The following PALLD variants were observed in gnomAD, a reference collection of about 807,000 sequenced individuals.
PALLD encodes palladin.
Under a neutral mutation model 123.5 loss-of-function variants are expected in PALLD, and 61 were observed. The observed-to-expected ratio is 0.49, with a 90% CI of 0.40 to 0.61. The LOEUF (loss-of-function observed/expected upper bound fraction) is 0.61. PALLD is among the 20% of genes least tolerant of loss of function. The pLI, the probability that PALLD is intolerant of heterozygous loss-of-function variation, is 0.00. For missense variants in PALLD, 1,273 were observed against 1,377.0 expected (o/e 0.92, Z 1.20); for synonymous variants, 465 against 496.4 (o/e 0.94, Z 0.84).
chr4:168,759,225 A>ATC (rs1732464985), intron 10 of PALLD, among the ~76,000 whole-genome samples: 1 of 55,682 alleles, frequency 1.8e-5, no homozygotes, highest in Non-Finnish European at 3.9e-5. Flanking sequence ...ATATATATAT[A>ATC]TATATATATA....
chr4:168,670,719 G>A lies in PALLD; in HGVS notation c.1087+2351G>A, dbSNP rs1280288700. ...CTGCAGTCCGCAGTCTGGCCTGGGC[G>A]ACAGAGCGAGACTCCGTCTCAAAAA... is the stretch of plus-strand genomic sequence containing the variant. On this transcript the variant is annotated intron_variant, in intron 3 of 21. Transcript: ENST00000505667. Among the ~76,000 whole-genome samples the A allele has an allele frequency of 3.9e-5, 5 of 129,792 alleles. No individual in the cohort carries two copies. In the East Asian group the frequency reaches 1.1e-3, roughly 29 times the overall value. The allele number at this position is 129,792 out of a possible 152,430, so 85.1% of individuals were successfully genotyped here. A position where few individuals can be genotyped will look rare whatever the true frequency, so the allele number is the denominator to read the frequency against.
intron 10 of PALLD, among the ~76,000 whole-genome samples, chr4:168,872,011 T>TA (rs1751147946): frequency 6.6e-6 from 1 of 152,176 alleles, no homozygotes; most frequent in Non-Finnish European, 1.5e-5. Flanking sequence ...GGAGTCAACT[T>TA]ATGAGAAACA....
intron 10 of PALLD, among the ~76,000 whole-genome samples, chr4:168,836,740 C>T (rs577738660): frequency 1.1e-4 from 17 of 152,294 alleles, no homozygotes; most frequent in East Asian, 3.9e-4. Context: ...GCGAAGTAGG[C>T]GGCCCTCAGC....
rs373748143 is a variant in PALLD, at chr4:168,833,886, T to C, written c.1965-57036T>C. On this transcript the variant is annotated intron_variant, in intron 10 of 21. Coordinates refer to ENST00000505667, the MANE Select transcript of PALLD (RefSeq NM_001166108.2). ...ATAGTTTGAAGCTAATGTACCCCTA[T>C]GCCTTTGTGTGAGTGTAAGATTTAT... 2.6e-4 allele frequency among the ~76,000 whole-genome samples: 39 copies of C among 150,442 alleles called. No homozygotes were observed. In the East Asian group the frequency reaches 4.3e-3, roughly 16 times the overall value.
intron 4 of PALLD, 37 bp from the exon 5 acceptor site, chr4:168,682,961 A>C (rs140469649): frequency 3.0e-5 from 38 of 1,279,432 alleles, no homozygotes; most frequent in Non-Finnish European, 3.9e-5. Flanking sequence ...GAAAACAAAA[A>C]ATATTCTGAC....
chr4:168,600,980 GA>G (rs1457336618), intron 2 of PALLD, among the ~76,000 whole-genome samples: 1 of 152,112 alleles, frequency 6.6e-6, no homozygotes, highest in Non-Finnish European at 1.5e-5. Flanking sequence ...GCTTGCCAGT[GA>G]GCTGTCTTTA....
At chr4:168,681,530 T>G in intron 4 of PALLD, 132 bp downstream of exon 4, 1 of 607,226 alleles carries the variant, frequency 1.6e-6, no homozygotes, top group African/African-American at 2.0e-5. Flanking sequence ...AATACTGAGG[T>G]TGGAACACAA....
intron 2 of PALLD, among the ~76,000 whole-genome samples, chr4:168,642,563 A>G (rs1386831412): frequency 6.6e-6 from 1 of 151,876 alleles, no homozygotes; most frequent in Non-Finnish European, 1.5e-5. Flanking sequence ...CACCACGCCC[A>G]GCTAATTTTT....
chr4:168,615,222 A>C (rs1774110627), intron 2 of PALLD, among the ~76,000 whole-genome samples: 4 of 152,216 alleles, frequency 2.6e-5, no homozygotes, highest in African/African-American at 7.2e-5. Flanking sequence ...GGTACTAAGA[A>C]TAGAAATCAC....
chr4:168,826,398 T>C (rs1743424899), intron 10 of PALLD, among the ~76,000 whole-genome samples: 1 of 152,210 alleles, frequency 6.6e-6, no homozygotes, highest in African/African-American at 2.4e-5. Context: ...TATATATTCC[T>C]TGGAGCTTGG....
intron 10 of PALLD, among the ~76,000 whole-genome samples, chr4:168,838,092 A>T (rs898790829): frequency 1.3e-5 from 2 of 152,176 alleles, no homozygotes; most frequent in Non-Finnish European, 2.9e-5. Flanking sequence ...AACCCATTTT[A>T]TGTCGTAACA....
rs374187214 is a variant in PALLD at position 168,911,144 on chromosome 4, T to G, written c.2623-2783T>G. Among the ~76,000 whole-genome samples the G allele has an allele frequency of 9.2e-5, 14 of 152,340 alleles. No individual in the cohort carries two copies. In the East Asian group the frequency reaches 2.3e-3, roughly 25 times the overall value. Reference sequence around the variant, plus strand: ...TTGTGAGAGATATATGTAGCATCCCTATTTGTACAGAAAAAGAAACAAAGG... The same window carrying G: ...TTGTGAGAGATATATGTAGCATCCCGATTTGTACAGAAAAAGAAACAAAGG... On this transcript the variant is annotated intron_variant, in intron 15 of 21. Transcript: ENST00000505667.
chr4:168,501,060 G>A (rs764291456), intron 1 of PALLD, among the ~76,000 whole-genome samples: 15 of 152,022 alleles, frequency 9.9e-5, no homozygotes, highest in Non-Finnish European at 1.5e-4. Context: ...GAGAAGTTGC[G>A]AACCATAAAA....
At chr4:168,744,107 C>T (rs1788623660) in intron 10 of PALLD, among the ~76,000 whole-genome samples, 2 of 152,166 alleles carry the variant, frequency 1.3e-5, no homozygotes, top group South Asian at 2.1e-4. Flanking sequence ...AAGCTCTCAG[C>T]CCAGAGGACA....
At chr4:168,751,508 C>T (rs1166893644) in intron 10 of PALLD, among the ~76,000 whole-genome samples, 1 of 152,158 alleles carries the variant, frequency 6.6e-6, no homozygotes, top group Non-Finnish European at 1.5e-5. Context: ...CTGACATCTC[C>T]AATTAATGGC....
chr4:168,550,708 A>G (rs572267720), intron 2 of PALLD, among the ~76,000 whole-genome samples: 2 of 152,312 alleles, frequency 1.3e-5, no homozygotes, highest in East Asian at 1.9e-4. Flanking sequence ...AATTTTTGCT[A>G]TACAAGCAAA....
chr4:168,762,632 C>G (rs991615223), intron 10 of PALLD, among the ~76,000 whole-genome samples: 3 of 152,202 alleles, frequency 2.0e-5, no homozygotes, highest in Non-Finnish European at 2.9e-5. Flanking sequence ...CCTCAAGGAT[C>G]TAGAACCAGA....
chr4:168,850,807 C>T (rs1179848384), intron 10 of PALLD, among the ~76,000 whole-genome samples: 1 of 152,074 alleles, frequency 6.6e-6, no homozygotes, highest in Non-Finnish European at 1.5e-5. Context: ...GCTGGAATTA[C>T]AGGCATGAGC....
chr4:168,819,700 A>T (rs546383123), intron 10 of PALLD, among the ~76,000 whole-genome samples: 2 of 152,226 alleles, frequency 1.3e-5, no homozygotes, highest in African/African-American at 4.8e-5. Context: ...TCCAGGGAAA[A>T]TTAATTGCGA....
Sources: gnomAD v4.1 joint callset for allele counts (sites outside exome capture counted in the v4.1 genomes callset) on GRCh38, gnomAD v4.1.1 for gene constraint, MANE v1.5 for transcripts, NCBI Gene and HGNC (gene_info 2026-07-23, HGNC 2026-07-21) for gene names.